Variants in LRBA observed in about 807,000 individuals in gnomAD.
LRBA encodes LPS responsive beige-like anchor protein.
Under a neutral mutation model 330.0 loss-of-function variants are expected in LRBA, and 176 were observed. The ratio of observed to expected loss-of-function variants is 0.53; its 90% CI spans 0.47 to 0.60. The LOEUF is 0.60. LRBA is among the 20% of genes least tolerant of loss of function. The pLI is 0.00. For missense variants in LRBA, 3,259 were observed against 3,444.8 expected (o/e 0.95, Z 1.35); for synonymous variants, 1,230 against 1,193.0 (o/e 1.03, Z -0.64).
chr4:150,880,703 C>T (rs536893118), intron 17 of LRBA, among the ~76,000 whole-genome samples: 2 of 152,032 alleles, frequency 1.3e-5, no homozygotes, highest in East Asian at 3.9e-4. Context: ...CAAGTGGGAC[C>T]CAATTAAACT....
chr4:150,328,242 A>C (rs1166890897), intron 48 of LRBA, among the ~76,000 whole-genome samples: 1 of 152,204 alleles, frequency 6.6e-6, no homozygotes, highest in African/African-American at 2.4e-5. Context: ...AAAGACAGTA[A>C]ATTTTACGTC....
intron 40 of LRBA, among the ~76,000 whole-genome samples, chr4:150,552,913 C>CA (rs1406305874): frequency 1.3e-5 from 2 of 151,232 alleles, no homozygotes; most frequent in Non-Finnish European, 3.0e-5. Flanking sequence ...ACTAAAAATA[C>CA]AAAAAAATAG....
At chr4:150,710,300 G>A (rs553230823) in intron 36 of LRBA, among the ~76,000 whole-genome samples, 1 of 152,186 alleles carries the variant, frequency 6.6e-6, no homozygotes, top group Admixed American at 6.5e-5. Flanking sequence ...ATATTTCTCA[G>A]ATGGGAAAAA....
chr4:150,664,509 T>C (rs1781398992), intron 37 of LRBA, among the ~76,000 whole-genome samples: 1 of 152,316 alleles, frequency 6.6e-6, no homozygotes, highest in Non-Finnish European at 1.5e-5. Context: ...GCAGTGTGGA[T>C]TTCATGCCAC....
At chr4:150,442,752 T>C (rs536312120) in intron 44 of LRBA, among the ~76,000 whole-genome samples, 2 of 152,306 alleles carry the variant, frequency 1.3e-5, no homozygotes, top group Admixed American at 1.3e-4. Flanking sequence ...GCTATAAAAA[T>C]GTCAGGTTAA....
intron 36 of LRBA, among the ~76,000 whole-genome samples, chr4:150,685,029 T>C (rs1004536804): frequency 6.6e-6 from 1 of 152,074 alleles, no homozygotes; most frequent in African/African-American, 2.4e-5. Context: ...CAAGATTTAG[T>C]TGGACAGTTG....
At chr4:150,485,684 C>A (rs1757793819) in intron 42 of LRBA, among the ~76,000 whole-genome samples, 2 of 151,904 alleles carry the variant, frequency 1.3e-5, no homozygotes, top group African/African-American at 4.8e-5. Flanking sequence ...AAGGAACCAA[C>A]ACTGATGAAA....
chr4:150,757,929 T>TA (rs1734532686), intron 35 of LRBA, among the ~76,000 whole-genome samples: 2 of 152,050 alleles, frequency 1.3e-5, no homozygotes, highest in East Asian at 1.9e-4. Flanking sequence ...TATGGGAAGC[T>TA]AAAAAATCTC....
intron 47 of LRBA, among the ~76,000 whole-genome samples, chr4:150,405,940 A>G (rs889199801): frequency 1.3e-5 from 2 of 152,126 alleles, no homozygotes; most frequent in Admixed American, 1.3e-4. Flanking sequence ...TTGTACTCCC[A>G]GCTACTCAGG....
intron 50 of LRBA, among the ~76,000 whole-genome samples, chr4:150,319,185 T>C (rs1732137553): frequency 6.6e-6 from 1 of 151,668 alleles, no homozygotes; most frequent in Admixed American, 6.6e-5. Flanking sequence ...CCAGCTCAGT[T>C]CCCGTTGAGC....
intron 44 of LRBA, among the ~76,000 whole-genome samples, chr4:150,446,064 G>C (rs910024994): frequency 6.6e-6 from 1 of 151,884 alleles, no homozygotes; most frequent in Admixed American, 6.6e-5. Flanking sequence ...GCCAAGCACA[G>C]AAAGATAAAT....
intron 2 of LRBA, among the ~76,000 whole-genome samples, chr4:150,974,348 T>C (rs1157894437): frequency 2.0e-5 from 3 of 152,146 alleles, no homozygotes; most frequent in African/African-American, 4.8e-5. Flanking sequence ...AGTGGTCCCT[T>C]TGAGTATTTG....
At chr4:150,797,709 C>T (rs1048353357) in intron 34 of LRBA, among the ~76,000 whole-genome samples, 6 of 152,062 alleles carry the variant, frequency 3.9e-5, no homozygotes, top group Non-Finnish European at 8.8e-5. Flanking sequence ...TTTATAACCT[C>T]TGCACAAAAT....
chr4:150,989,372 T>C (rs570868158), intron 2 of LRBA, among the ~76,000 whole-genome samples: 30 of 149,366 alleles, frequency 2.0e-4, no homozygotes, highest in Non-Finnish European at 4.2e-4. Context: ...CCCAGCACTT[T>C]GGGAGGCCGA....
chr4:150,573,904 T>C (rs1415514671), intron 40 of LRBA, among the ~76,000 whole-genome samples: 1 of 152,166 alleles, frequency 6.6e-6, no homozygotes, highest in Non-Finnish European at 1.5e-5. Flanking sequence ...AACTTGGTAA[T>C]ATCATAGTTG....
chr4:150,889,498 A>T (rs1209251732), intron 17 of LRBA, among the ~76,000 whole-genome samples: 2 of 152,174 alleles, frequency 1.3e-5, no homozygotes, highest in African/African-American at 4.8e-5. Flanking sequence ...GGCGGTGAGC[A>T]CCAGGCCAGC....
At chr4:150,582,776 T>C in intron 40 of LRBA, 6 of 444,062 alleles carry the variant, frequency 1.4e-5, no homozygotes. Flanking sequence ...AGAGGTACTT[T>C]TCTTTTTAGA....
intron 37 of LRBA, among the ~76,000 whole-genome samples, chr4:150,641,549 G>A (rs898264228): frequency 5.9e-5 from 9 of 152,036 alleles, no homozygotes; most frequent in Non-Finnish European, 1.2e-4. Flanking sequence ...TAAAATAGGA[G>A]AATAAATTTG....
At chr4:150,788,802 C>T (rs1739469729) in intron 34 of LRBA, among the ~76,000 whole-genome samples, 1 of 147,730 alleles carries the variant, frequency 6.8e-6, no homozygotes, top group Admixed American at 6.9e-5. Flanking sequence ...AGGTCAGGCA[C>T]AGTGGCTCAC....
Sources: allele counts gnomAD v4.1 joint callset (sites outside exome capture counted in the v4.1 genomes callset), GRCh38; gene constraint gnomAD v4.1.1; transcripts MANE v1.5; gene names NCBI Gene and HGNC (gene_info 2026-07-23, HGNC 2026-07-21).